Variants in MGMT observed in about 807,000 individuals in gnomAD.
MGMT encodes the protein methylated-DNA--protein-cysteine methyltransferase.
A neutral mutation model predicts 15.9 loss-of-function variants in MGMT; 14 were observed. That is an observed-to-expected ratio of 0.88 (90% CI 0.58 to 1.37). The LOEUF (loss-of-function observed/expected upper bound fraction) is 1.37, where lower values mean the gene tolerates loss of function less well. MGMT is among the 40% of genes most tolerant of loss of function. The pLI, the probability that MGMT is intolerant of heterozygous loss-of-function variation, is 0.00. For synonymous variants in MGMT, 130 were observed against 118.2 expected (o/e 1.10, Z -0.65); for missense variants, 282 against 268.1 (o/e 1.05, Z -0.36).
At chr10:129,598,382 C>T (rs541879877) in intron 2 of MGMT, among the ~76,000 whole-genome samples, 6 of 152,202 alleles carry the variant, frequency 3.9e-5, no homozygotes, top group Admixed American at 1.3e-4. Context: ...AATCTCTTAG[C>T]GTAGGTGACA....
chr10:129,472,675 C>T (rs1212572073), intron 1 of MGMT, among the ~76,000 whole-genome samples: 1 of 152,126 alleles, frequency 6.6e-6, no homozygotes, highest in Non-Finnish European at 1.5e-5. Flanking sequence ...AAAAGCAGGG[C>T]CAGGGACAGT....
At chr10:129,518,844 G>A (rs1292879710) in intron 1 of MGMT, among the ~76,000 whole-genome samples, 1 of 151,748 alleles carries the variant, frequency 6.6e-6, no homozygotes, top group Non-Finnish European at 1.5e-5. Flanking sequence ...ATTTTTGACT[G>A]TGTGGGGCTT....
intron 3 of MGMT, among the ~76,000 whole-genome samples, chr10:129,743,886 A>T (rs1848665537): frequency 6.6e-6 from 1 of 152,000 alleles, no homozygotes; most frequent in East Asian, 1.9e-4. Context: ...GTTGGGCTTG[A>T]CTCTGGAGCT....
At chr10:129,685,643 A>G (rs532740570) in intron 2 of MGMT, among the ~76,000 whole-genome samples, 1 of 152,350 alleles carries the variant, frequency 6.6e-6, no homozygotes, top group South Asian at 2.1e-4. Context: ...GCAGTGAATG[A>G]GTTAATCCTA....
chr10:129,544,990 C>T (rs558671797), intron 2 of MGMT, among the ~76,000 whole-genome samples: 2 of 152,296 alleles, frequency 1.3e-5, no homozygotes, highest in South Asian at 4.1e-4. Flanking sequence ...GGACTGGCAC[C>T]TGTGGAATAG....
chr10:129,697,854 A>G (rs1037198002), intron 2 of MGMT, among the ~76,000 whole-genome samples: 4 of 151,980 alleles, frequency 2.6e-5, no homozygotes, highest in African/African-American at 9.7e-5. Flanking sequence ...CGTCTCATCT[A>G]CTCTCACTGG....
At chr10:129,698,369 G>A (rs1379453545) in intron 2 of MGMT, among the ~76,000 whole-genome samples, 3 of 152,160 alleles carry the variant, frequency 2.0e-5, no homozygotes, top group Non-Finnish European at 4.4e-5. Context: ...CTAGGGCTGG[G>A]GAAGAGAACT....
At chr10:129,600,109 C>T (rs1250737290) in intron 2 of MGMT, among the ~76,000 whole-genome samples, 2 of 152,178 alleles carry the variant, frequency 1.3e-5, no homozygotes, top group Non-Finnish European at 2.9e-5. Context: ...TGCAGGGAGT[C>T]TAACTTCTGT....
At chr10:129,761,702 A>C (rs1848875875) in intron 4 of MGMT, among the ~76,000 whole-genome samples, 1 of 152,210 alleles carries the variant, frequency 6.6e-6, no homozygotes, top group African/African-American at 2.4e-5. Context: ...CAAAGCCAAG[A>C]CTGGAGGTGA....
chr10:129,665,293 C>T (rs895595906), intron 2 of MGMT, among the ~76,000 whole-genome samples: 1 of 139,424 alleles, frequency 7.2e-6, no homozygotes, highest in African/African-American at 2.5e-5. Context: ...TCCCAACTCT[C>T]TCTCTCCCAA....
At chr10:129,737,891 TGAG>T (rs1848583031) in intron 3 of MGMT, among the ~76,000 whole-genome samples, 2 of 152,200 alleles carry the variant, frequency 1.3e-5, no homozygotes, top group South Asian at 2.1e-4. Flanking sequence ...GGGACCCACT[TGAG>T]GAGGCAGTCT....
Position 129,759,361 on chromosome 10 carries a change from G to A in MGMT, c.414+20G>A. On this transcript the variant is annotated intron_variant, in intron 4 of 4. Coordinates refer to ENST00000651593, the MANE Select transcript of MGMT (RefSeq NM_002412.5). ...AATCCTGTGAGTTCTCATGGCGCAAGCATGGCTGTGGGTGGCGGGTGCGTG... is the reference window on the plus strand; with the variant it reads ...AATCCTGTGAGTTCTCATGGCGCAAACATGGCTGTGGGTGGCGGGTGCGTG... 2 of 1,613,980 alleles carry A rather than the reference G, an allele frequency of 1.2e-6. No individual in the cohort carries two copies. The highest frequency in any genetic ancestry group is 1.3e-5 in the African/African-American group (1 of 75,052).
At chr10:129,620,612 T>G (rs1436277478) in intron 2 of MGMT, among the ~76,000 whole-genome samples, 1 of 152,240 alleles carries the variant, frequency 6.6e-6, no homozygotes, top group Non-Finnish European at 1.5e-5. Flanking sequence ...TTTCTTACTC[T>G]GAAGTTACTT....
chr10:129,612,107 AG>A (rs1846968036), intron 2 of MGMT, among the ~76,000 whole-genome samples: 1 of 152,168 alleles, frequency 6.6e-6, no homozygotes, highest in African/African-American at 2.4e-5. Flanking sequence ...CTTGAAGTCC[AG>A]GGGACTTCCA....
chr10:129,506,006 A>ATTTTTTT (rs71478939), intron 1 of MGMT, among the ~76,000 whole-genome samples: 1 of 132,526 alleles, frequency 7.5e-6, no homozygotes, highest in African/African-American at 2.9e-5. Context: ...TGCAGTTGCT[A>ATTTTTTT]TTTTTTTTTT....
At chr10:129,597,442 T>C (rs1210233313) in intron 2 of MGMT, among the ~76,000 whole-genome samples, 2 of 152,150 alleles carry the variant, frequency 1.3e-5, no homozygotes, top group East Asian at 3.8e-4. Flanking sequence ...GTTTCGTCAT[T>C]TTTATTACCT....
At chr10:129,690,990 G>A (rs1171029192) in intron 2 of MGMT, among the ~76,000 whole-genome samples, 2 of 152,216 alleles carry the variant, frequency 1.3e-5, no homozygotes, top group Non-Finnish European at 2.9e-5. Flanking sequence ...GGAGTGTGAA[G>A]AGGCCAGTTT....
chr10:129,745,873 G>A (rs1848689014), intron 3 of MGMT, among the ~76,000 whole-genome samples: 1 of 152,018 alleles, frequency 6.6e-6, no homozygotes, highest in Admixed American at 6.6e-5. Flanking sequence ...GATAGGATAG[G>A]ACTCTTGTTG....
intron 2 of MGMT, among the ~76,000 whole-genome samples, chr10:129,707,036 C>T (rs1047083115): frequency 6.6e-6 from 1 of 152,050 alleles, no homozygotes; most frequent in Non-Finnish European, 1.5e-5. Context: ...CCCACGCGGG[C>T]GGATCACCTG....
Sources: allele counts gnomAD v4.1 joint callset (sites outside exome capture counted in the v4.1 genomes callset), GRCh38; gene constraint gnomAD v4.1.1; transcripts MANE v1.5; gene names NCBI Gene and HGNC (gene_info 2026-07-23, HGNC 2026-07-21).